The following SATB2 variants were observed in gnomAD, a reference collection of about 807,000 sequenced individuals.
SATB2 encodes DNA-binding protein SATB2.
Under a neutral mutation model 73.4 loss-of-function variants are expected in SATB2, and 1 was observed. The ratio of observed to expected loss-of-function variants is 0.01; its 90% CI spans 0.00 to 0.06. The LOEUF is 0.06. Among genes scored for constraint, SATB2 ranks in the 10% least tolerant of loss-of-function variants. The pLI is 1.00. For synonymous variants in SATB2, 397 were observed against 367.0 expected, an observed-to-expected ratio of 1.08 and a Z score of -0.93; for missense variants, 459 against 945.8, an observed-to-expected ratio of 0.49 and a Z score of 6.75.
At chr2:199,345,258 G>A (rs6747608) in intron 7 of SATB2, among the ~76,000 whole-genome samples, 3,045 of 151,896 alleles carry the variant, frequency 0.02, 99 homozygotes, top group African/African-American at 0.069. Flanking sequence ...TCTTCCTAGC[G>A]CCAAACTCAT....
chr2:199,303,979 G>A (rs1165735013), intron 10 of SATB2, among the ~76,000 whole-genome samples: 1 of 152,190 alleles, frequency 6.6e-6, no homozygotes, highest in African/African-American at 2.4e-5. Flanking sequence ...AAATGACACA[G>A]AGAGGAACAA....
chr2:199,399,990 C>T (rs1559031167), intron 3 of SATB2, among the ~76,000 whole-genome samples: 1 of 152,184 alleles, frequency 6.6e-6, no homozygotes, highest in African/African-American at 2.4e-5. Flanking sequence ...AAATGGCAGA[C>T]ACTGGGATCC....
intron 3 of SATB2, among the ~76,000 whole-genome samples, chr2:199,391,817 C>T (rs1169657571): frequency 2.0e-5 from 3 of 152,044 alleles, no homozygotes; most frequent in Non-Finnish European, 4.4e-5. Flanking sequence ...AAAAAATATT[C>T]AGCAATGTCA....
intron 7 of SATB2, among the ~76,000 whole-genome samples, chr2:199,340,335 C>T (rs145061537): frequency 9.2e-5 from 14 of 152,258 alleles, no homozygotes; most frequent in Non-Finnish European, 1.3e-4. Context: ...TTCTCTATCA[C>T]GTAAGACCAG....
chr2:199,461,646 G>C (rs1209087611), upstream of SATB2, among the ~76,000 whole-genome samples: 1 of 152,134 alleles, frequency 6.6e-6, no homozygotes, highest in Non-Finnish European at 1.5e-5. Context: ...TGACGTTTTT[G>C]TCGGGAATCT....
At chr2:199,280,219 C>T (rs1312824136) in intron 10 of SATB2, among the ~76,000 whole-genome samples, 1 of 152,234 alleles carries the variant, frequency 6.6e-6, no homozygotes, top group Non-Finnish European at 1.5e-5. Flanking sequence ...ACACTTATCA[C>T]TTCCCCGATC....
intron 7 of SATB2, among the ~76,000 whole-genome samples, chr2:199,334,149 T>G (rs1323991628): frequency 6.6e-6 from 1 of 152,178 alleles, no homozygotes. Flanking sequence ...CATTCAAATG[T>G]CATGTAAATC....
chr2:199,411,333 G>A (rs931389225), intron 3 of SATB2, among the ~76,000 whole-genome samples: 2 of 151,994 alleles, frequency 1.3e-5, no homozygotes, highest in African/African-American at 4.8e-5. Flanking sequence ...TATGCATGAC[G>A]ATCCCCCTTA....
At chr2:199,456,465 G>A (rs1692278087) in intron 1 of SATB2, among the ~76,000 whole-genome samples, 1 of 152,262 alleles carries the variant, frequency 6.6e-6, no homozygotes, top group Non-Finnish European at 1.5e-5. Context: ...TGCGGAATAA[G>A]TGAACTTCAG....
At chr2:199,390,020 C>T (rs1245336313) in intron 3 of SATB2, among the ~76,000 whole-genome samples, 1 of 151,572 alleles carries the variant, frequency 6.6e-6, no homozygotes, top group African/African-American at 2.4e-5. Flanking sequence ...TATGTTACAA[C>T]CCTGACTTTT....
chr2:199,427,716 G>C (rs1032462350), intron 3 of SATB2, among the ~76,000 whole-genome samples: 3 of 151,948 alleles, frequency 2.0e-5, no homozygotes, highest in Non-Finnish European at 4.4e-5. Context: ...CAAGTCTCTC[G>C]AATTTGTATA....
chr2:199,409,632 T>TA (rs1438515723), intron 3 of SATB2, among the ~76,000 whole-genome samples: 2 of 149,460 alleles, frequency 1.3e-5, no homozygotes, highest in Non-Finnish European at 3.0e-5. Context: ...CGCCTTACTT[T>TA]AAAAAAAACC....
intron 8 of SATB2, among the ~76,000 whole-genome samples, chr2:199,327,931 A>C (rs1688076206): frequency 6.6e-6 from 1 of 152,144 alleles, no homozygotes; most frequent in South Asian, 2.1e-4. Context: ...GATTACATAA[A>C]ACAGAGCTTC....
intron 3 of SATB2, among the ~76,000 whole-genome samples, chr2:199,426,728 G>C (rs1442981047): frequency 7.2e-6 from 1 of 137,992 alleles, no homozygotes; most frequent in Non-Finnish European, 1.6e-5. Context: ...AAAAGAAAAA[G>C]AAAGAAAGAA....
chr2:199,365,478 C>T (rs929488503), intron 6 of SATB2, among the ~76,000 whole-genome samples: 2 of 152,018 alleles, frequency 1.3e-5, no homozygotes, highest in Middle Eastern at 3.2e-3. Flanking sequence ...TCAAATATGT[C>T]TGTGTCAACC....
At chr2:199,274,431 GA>G (rs1191773284) in intron 10 of SATB2, among the ~76,000 whole-genome samples, 4 of 152,166 alleles carry the variant, frequency 2.6e-5, no homozygotes, top group Non-Finnish European at 5.9e-5. Flanking sequence ...CCACCAATGT[GA>G]AACTGTCAGT....
chr2:199,382,250 C>T (rs561960656), intron 3 of SATB2, among the ~76,000 whole-genome samples: 3 of 152,116 alleles, frequency 2.0e-5, no homozygotes, highest in Non-Finnish European at 4.4e-5. Flanking sequence ...GGGCTCAGCA[C>T]GCAGTTACAT....
intron 2 of SATB2, among the ~76,000 whole-genome samples, chr2:199,439,069 T>G (rs1310446434): frequency 6.6e-6 from 1 of 152,248 alleles, no homozygotes; most frequent in African/African-American, 2.4e-5. Context: ...GTACTACTTG[T>G]AAGTGAATTC....
rs1553539936 is a variant in SATB2, at chr2:199,281,495, A to AC, written c.1741-8824_1741-8823insG. ...ATATGAGATATATACACACACACAC[A>AC]ATTTTTTTTTACTTAAAAGTAACAA... On this transcript the variant is annotated intron_variant, in intron 10 of 10. Transcript: ENST00000417098. 7.3e-5 allele frequency among the ~76,000 whole-genome samples: 11 copies of AC among 151,278 alleles called. 1 individual carries two copies. Among genetic ancestry groups the AC allele is most frequent in the South Asian group, 6.3e-4 (3 of 4,748 alleles).
Sources: allele counts gnomAD v4.1 joint callset (sites outside exome capture counted in the v4.1 genomes callset), GRCh38; gene constraint gnomAD v4.1.1; transcripts MANE v1.5; gene names NCBI Gene and HGNC (gene_info 2026-07-23, HGNC 2026-07-21).